CCNY: variants seen among roughly 807,000 people sequenced by gnomAD.
CCNY encodes cyclin-Y.
A neutral mutation model predicts 42.8 loss-of-function variants in CCNY; 19 were observed. The ratio of observed to expected loss-of-function variants is 0.44; its 90% CI spans 0.31 to 0.65. CCNY has a LOEUF of 0.65. CCNY is among the 30% of genes least tolerant of loss of function. CCNY has a pLI of 0.07. For missense variants in CCNY, 370 were observed against 437.3 expected, an observed-to-expected ratio of 0.85 and a Z score of 1.37; for synonymous variants, 165 against 162.7, an observed-to-expected ratio of 1.01 and a Z score of -0.11.
intron 1 of CCNY, among the ~76,000 whole-genome samples, chr10:35,474,764 C>T (rs1201943045): frequency 6.6e-6 from 1 of 152,216 alleles, no homozygotes; most frequent in African/African-American, 2.4e-5. Flanking sequence ...AGGAACGCAG[C>T]TCCTCACCAG....
intron 1 of CCNY, among the ~76,000 whole-genome samples, chr10:35,349,847 C>A (rs916195458): frequency 7.9e-5 from 12 of 152,230 alleles, no homozygotes; most frequent in African/African-American, 2.9e-4. Context: ...GAGGGCAACT[C>A]CTCTACTCTG....
chr10:35,511,617 G>A (rs1262675075), intron 3 of CCNY, among the ~76,000 whole-genome samples: 2 of 152,238 alleles, frequency 1.3e-5, no homozygotes, highest in East Asian at 1.9e-4. Context: ...CTTAGATTTG[G>A]TGTTGGAAAT....
chr10:35,363,075 G>A lies in CCNY; in HGVS notation c.154+25868G>A, dbSNP rs188520571. 9.0e-4 allele frequency among the ~76,000 whole-genome samples: 135 copies of A among 149,282 alleles called. 1 individual carries two copies. Among genetic ancestry groups the A allele is most frequent in the African/African-American group, 3.0e-3 (120 of 40,478 alleles). ...CTCCTCACTTCCCAGATGGTGGGCC[G>A]CCGGGCAGAGGCGCTCCTCACTTCC... On this transcript the variant is annotated intron_variant, in intron 1 of 9. Coordinates refer to ENST00000374704, the MANE Select transcript of CCNY (RefSeq NM_145012.6).
At chr10:35,366,762 A>G (rs1364697595) in intron 1 of CCNY, among the ~76,000 whole-genome samples, 3 of 152,190 alleles carry the variant, frequency 2.0e-5, no homozygotes, top group Non-Finnish European at 4.4e-5. Flanking sequence ...GCACTGTCCA[A>G]TGTGGTAGTC....
chr10:35,390,137 C>T (rs1323070503), intron 1 of CCNY, among the ~76,000 whole-genome samples: 1 of 152,190 alleles, frequency 6.6e-6, no homozygotes, highest in African/African-American at 2.4e-5. Flanking sequence ...TAAATAAGCA[C>T]AGTAGCATAA....
intron 3 of CCNY, among the ~76,000 whole-genome samples, chr10:35,503,299 C>T (rs1056922032): frequency 4.6e-5 from 7 of 152,186 alleles, no homozygotes; most frequent in Non-Finnish European, 7.3e-5. Flanking sequence ...TGAAATCACA[C>T]AGTTGTTGAG....
chr10:35,483,977 G>A (rs1270725877), intron 2 of CCNY, among the ~76,000 whole-genome samples: 2 of 151,928 alleles, frequency 1.3e-5, no homozygotes, highest in Non-Finnish European at 2.9e-5. Flanking sequence ...CCATATCTAA[G>A]TTTATTCTTG....
intron 1 of CCNY, among the ~76,000 whole-genome samples, chr10:35,357,535 A>G (rs974340600): frequency 8.5e-5 from 13 of 152,234 alleles, no homozygotes; most frequent in African/African-American, 3.1e-4. Flanking sequence ...GACTTTGTCT[A>G]GTGTTTCCTC....
At chr10:35,489,521 C>T (rs1839856721) in intron 2 of CCNY, among the ~76,000 whole-genome samples, 1 of 152,114 alleles carries the variant, frequency 6.6e-6, no homozygotes, top group Non-Finnish European at 1.5e-5. Context: ...AGGGTGGTCT[C>T]GATCTTCTGA....
intron 1 of CCNY, among the ~76,000 whole-genome samples, chr10:35,414,933 C>T (rs1354497498): frequency 6.6e-6 from 1 of 152,174 alleles, no homozygotes; most frequent in African/African-American, 2.4e-5. Context: ...TTGAGAGTGA[C>T]CCTGCTCTGA....
intron 1 of CCNY, among the ~76,000 whole-genome samples, chr10:35,465,936 AGAGT>A (rs1218187549): frequency 1.0e-3 from 118 of 117,648 alleles, no homozygotes; most frequent in Middle Eastern, 8.4e-3. Flanking sequence ...AGAGAGAGAG[AGAGT>A]GTGTGTGTGT....
At chr10:35,432,499 A>G (rs1188646636) in intron 1 of CCNY, among the ~76,000 whole-genome samples, 3 of 152,212 alleles carry the variant, frequency 2.0e-5, no homozygotes, top group Non-Finnish European at 4.4e-5. Flanking sequence ...TGACTTAATA[A>G]CTGAACATAC....
intron 2 of CCNY, among the ~76,000 whole-genome samples, chr10:35,483,704 A>T (rs982124106): frequency 1.3e-5 from 2 of 152,158 alleles, no homozygotes; most frequent in Non-Finnish European, 2.9e-5. Flanking sequence ...AATCAGCTAT[A>T]TTATTTCTAC....
intron 3 of CCNY, among the ~76,000 whole-genome samples, chr10:35,264,419 T>C (rs2095722840): frequency 6.6e-6 from 1 of 152,172 alleles, no homozygotes; most frequent in East Asian, 1.9e-4. Flanking sequence ...TGAACTAATA[T>C]ACATTCCCAC....
chr10:35,279,529 G>A (rs950581171), intron 3 of CCNY, among the ~76,000 whole-genome samples: 9 of 152,166 alleles, frequency 5.9e-5, no homozygotes, highest in Admixed American at 3.9e-4. Context: ...CAGATATCAG[G>A]GGAAGGGTTA....
At chr10:35,333,401 A>G (rs1835968554), upstream of CCNY, among the ~76,000 whole-genome samples, 1 of 152,200 alleles carries the variant, frequency 6.6e-6, no homozygotes. Context: ...CACAGAAATA[A>G]CAAGGCTCCC....
At chr10:35,373,700 T>A (rs542781051) in intron 1 of CCNY, among the ~76,000 whole-genome samples, 11 of 152,318 alleles carry the variant, frequency 7.2e-5, no homozygotes, top group African/African-American at 2.4e-4. Context: ...CCCTTCCTTA[T>A]GATTTTTCTT....
At chr10:35,450,582 G>C (rs1011063878) in intron 1 of CCNY, among the ~76,000 whole-genome samples, 3 of 152,156 alleles carry the variant, frequency 2.0e-5, no homozygotes, top group African/African-American at 7.2e-5. Context: ...TTCTGAGGCT[G>C]CTGGCACATT....
At chr10:35,565,812 C>A (rs1298298533) in intron 8 of CCNY, among the ~76,000 whole-genome samples, 2 of 152,152 alleles carry the variant, frequency 1.3e-5, no homozygotes, top group Non-Finnish European at 2.9e-5. Flanking sequence ...GGTGATGATC[C>A]CAGTTAACCA....
Sources: gnomAD v4.1 joint callset for allele counts (sites outside exome capture counted in the v4.1 genomes callset) on GRCh38, gnomAD v4.1.1 for gene constraint, MANE v1.5 for transcripts, NCBI Gene and HGNC (gene_info 2026-07-23, HGNC 2026-07-21) for gene names.